The following AOAH variants were observed in gnomAD, a reference collection of about 807,000 sequenced individuals.
AOAH encodes acyloxyacyl hydrolase (neutrophil).
Under a neutral mutation model 92.2 loss-of-function variants are expected in AOAH, and 64 were observed. The observed-to-expected ratio is 0.69, with a 90% confidence interval of 0.57 to 0.86. The LOEUF is 0.86. Ranked by LOEUF, AOAH falls within the 40% of genes least tolerant of loss-of-function variation. The probability of loss-of-function intolerance (pLI) is 0.00; values close to 1 mark genes in which losing one functional copy is unlikely to be tolerated. For synonymous variants in AOAH, 263 were observed against 254.5 expected (o/e 1.03, Z -0.32); for missense variants, 656 against 694.6 (o/e 0.94, Z 0.62).
At chr7:36,678,600 T>TGTGCGCGTGCGC (rs549317369) in intron 2 of AOAH, among the ~76,000 whole-genome samples, 1 of 131,034 alleles carries the variant, frequency 7.6e-6, no homozygotes, top group African/African-American at 2.7e-5. Flanking sequence ...TGTGTGTGTG[T>TGTGCGCGTGCGC]GCGCGCGCGC....
intron 16 of AOAH, among the ~76,000 whole-genome samples, chr7:36,537,339 C>T (rs1293505761): frequency 1.3e-5 from 2 of 151,288 alleles, no homozygotes; most frequent in East Asian, 3.9e-4. Context: ...GTGTGATTAG[C>T]AGCCAGAGAG....
intron 19 of AOAH, among the ~76,000 whole-genome samples, chr7:36,526,524 C>G (rs1784404706): frequency 6.6e-6 from 1 of 152,176 alleles, no homozygotes; most frequent in African/African-American, 2.4e-5. Context: ...GTGGGAGGTC[C>G]ATTCAAAGAT....
intron 2 of AOAH, among the ~76,000 whole-genome samples, chr7:36,684,074 T>C (rs1370920009): frequency 6.6e-6 from 1 of 152,206 alleles, no homozygotes; most frequent in Non-Finnish European, 1.5e-5. Context: ...GAAACATTAT[T>C]TCTCACTAAA....
chr7:36,613,915 CCCACTT>C (rs1791665485), intron 11 of AOAH, among the ~76,000 whole-genome samples: 1 of 152,186 alleles, frequency 6.6e-6, no homozygotes, highest in Non-Finnish European at 1.5e-5. Flanking sequence ...GATGTGTTTC[CCCACTT>C]GCTCATCTTT....
At chr7:36,550,422 T>C (rs1035146167) in intron 13 of AOAH, among the ~76,000 whole-genome samples, 1 of 152,220 alleles carries the variant, frequency 6.6e-6, no homozygotes, top group Non-Finnish European at 1.5e-5. Context: ...GTTAAACTTT[T>C]ACAGCTCATT....
At chr7:36,643,539 A>G (rs1440586610) in intron 4 of AOAH, among the ~76,000 whole-genome samples, 2 of 152,174 alleles carry the variant, frequency 1.3e-5, no homozygotes, top group Non-Finnish European at 2.9e-5. Flanking sequence ...TGGCAGCTAT[A>G]TGAGTGGTAA....
At chr7:36,533,430 T>G (rs1022160400) in intron 16 of AOAH, among the ~76,000 whole-genome samples, 3 of 152,140 alleles carry the variant, frequency 2.0e-5, no homozygotes, top group African/African-American at 2.4e-5. Flanking sequence ...GAGAAAAAAT[T>G]TATTATCTCT....
chr7:36,570,039 C>T (rs908321507), intron 13 of AOAH, among the ~76,000 whole-genome samples: 2 of 152,102 alleles, frequency 1.3e-5, no homozygotes, highest in Admixed American at 6.6e-5. Context: ...TAACTGTTCT[C>T]TTAATAGATT....
intron 18 of AOAH, among the ~76,000 whole-genome samples, chr7:36,531,663 C>T (rs181236419): frequency 5.1e-4 from 77 of 152,236 alleles, no homozygotes; most frequent in African/African-American, 1.8e-3. Flanking sequence ...AAGTCTTTTA[C>T]AAAGAGATTA....
intron 4 of AOAH, among the ~76,000 whole-genome samples, chr7:36,655,654 G>A (rs1049555750): frequency 6.6e-6 from 1 of 152,182 alleles, no homozygotes; most frequent in Non-Finnish European, 1.5e-5. Context: ...GTATGCCCTG[G>A]GAAAATCAGT....
chr7:36,642,845 G>T (rs958512199), intron 4 of AOAH, among the ~76,000 whole-genome samples: 2 of 152,170 alleles, frequency 1.3e-5, no homozygotes, highest in African/African-American at 4.8e-5. Flanking sequence ...TATTTAAAAT[G>T]ATTTTGGACC....
chr7:36,586,046 G>A (rs535841361), intron 12 of AOAH, among the ~76,000 whole-genome samples: 79 of 152,260 alleles, frequency 5.2e-4, no homozygotes, highest in African/African-American at 1.8e-3. Flanking sequence ...CAGATGGTCC[G>A]TCTTGCCCAA....
intron 1 of AOAH, among the ~76,000 whole-genome samples, chr7:36,701,915 T>G (rs1222460733): frequency 6.6e-6 from 1 of 152,058 alleles, no homozygotes; most frequent in Non-Finnish European, 1.5e-5. Flanking sequence ...TCTCATAACA[T>G]TTTTTAGTAA....
intron 20 of AOAH, among the ~76,000 whole-genome samples, chr7:36,515,760 A>G (rs1200149134): frequency 4.5e-5 from 5 of 110,726 alleles, no homozygotes; most frequent in Admixed American, 4.1e-4. Flanking sequence ...CACCCTTCAC[A>G]ACCCCGCACC....
chr7:36,668,463 G>C (rs575788450), intron 3 of AOAH, among the ~76,000 whole-genome samples: 1 of 152,244 alleles, frequency 6.6e-6, no homozygotes, highest in Admixed American at 6.5e-5. Context: ...GCAGCTGCTT[G>C]CCCAATAATC....
At chr7:36,532,506 C>T (rs1784757672) in intron 16 of AOAH, among the ~76,000 whole-genome samples, 162 bp from the exon 17 acceptor site, 1 of 152,188 alleles carries the variant, frequency 6.6e-6, no homozygotes, top group Non-Finnish European at 1.5e-5. Flanking sequence ...GTGCTTTCCT[C>T]CTTTCTGAGC....
chr7:36,601,007 AC>A (rs995726596), intron 11 of AOAH, among the ~76,000 whole-genome samples: 7 of 151,964 alleles, frequency 4.6e-5, no homozygotes, highest in Non-Finnish European at 8.8e-5. Flanking sequence ...ACTCTTCTGC[AC>A]CCAGGGCCTG....
chr7:36,697,103 T>G (rs1248953336), intron 1 of AOAH, among the ~76,000 whole-genome samples: 1 of 152,190 alleles, frequency 6.6e-6, no homozygotes, highest in East Asian at 1.9e-4. Flanking sequence ...GAATGGACAT[T>G]TCTACCTTCC....
At chr7:36,559,667 CATTTGTGAAT>C (rs976149619) in intron 13 of AOAH, among the ~76,000 whole-genome samples, 6 of 151,862 alleles carry the variant, frequency 4.0e-5, no homozygotes, top group African/African-American at 1.5e-4. Context: ...TTGGATGCAT[CATTTGTGAAT>C]ATTTTGTAGG....
Sources: allele counts gnomAD v4.1 joint callset (sites outside exome capture counted in the v4.1 genomes callset), GRCh38; gene constraint gnomAD v4.1.1; transcripts MANE v1.5; gene names NCBI Gene and HGNC (gene_info 2026-07-23, HGNC 2026-07-21).